NOTCH3: variants seen among roughly 807,000 people sequenced by gnomAD.
NOTCH3 encodes the protein notch receptor 3, also known as neurogenic locus notch homolog protein 3.
A neutral mutation model predicts 213.3 loss-of-function variants in NOTCH3; 86 were observed. The ratio of observed to expected loss-of-function variants is 0.40; its 90% confidence interval spans 0.34 to 0.48. The LOEUF (loss-of-function observed/expected upper bound fraction) is 0.48. Among genes scored for constraint, NOTCH3 ranks in the 20% least tolerant of loss-of-function variants. NOTCH3 has a pLI of 0.57. For missense variants in NOTCH3, 2,783 were observed against 3,272.6 expected, an observed-to-expected ratio of 0.85 and a Z score of 3.65; for synonymous variants, 1,354 against 1,355.9, an observed-to-expected ratio of 1.00 and a Z score of 0.03.
rs765593288 is a variant in NOTCH3 at position 15,167,213 on chromosome 19, G to A, written c.5362+36C>T. On this transcript the variant is annotated intron_variant, in intron 29 of 32. Transcript: ENST00000263388. ...ATAACCTCTCACAGGTAGGATGGGT[G>A]AGGGGCATCCCTTTGGGAGGGGCAC... The A allele has an allele frequency of 2.5e-6, 4 of 1,602,780 alleles. No individual in the cohort carries two copies. In the South Asian group the frequency reaches 4.4e-5, roughly 18 times the overall value.
intron 19 of NOTCH3, 129 bp from the exon 20 acceptor site, chr19:15,180,385 G>T: frequency 2.9e-6 from 3 of 1,051,798 alleles, no homozygotes; most frequent in Non-Finnish European, 4.3e-6. Flanking sequence ...CCATCAGGTT[G>T]TCACACATCC....
In NOTCH3 at chr19:15,179,396, C is replaced by T. The variant is rs144559574; in HGVS notation, c.3428G>A (p.Arg1143His). The change falls in exon 21 of 33, where the codon CGC becomes CAC. Residue 1143 changes from arginine (R) to histidine (H), a missense_variant. Coordinates refer to ENST00000263388, the MANE Select transcript of NOTCH3 (RefSeq NM_000435.3). ...HGGSCIDLVARYLCSCPPGTL... is the reference protein window; with the variant it reads ...HGGSCIDLVAHYLCSCPPGTL... ...TCCTGGGGGACAGGAGCAGAGATAGCGGGCCACGAGGTCAATGCATGAACC... is the reference window on the plus strand; with the variant it reads ...TCCTGGGGGACAGGAGCAGAGATAGTGGGCCACGAGGTCAATGCATGAACC... 105 of 1,613,950 alleles carry T rather than the reference C, an allele frequency of 6.5e-5. No individual in the cohort carries two copies. The African/African-American group carries it at 6.9e-4, about 11-fold the overall frequency.
At position 15,185,187 on chromosome 19, in the gene NOTCH3, A is replaced by T; in HGVS notation, c.2296+70T>A. On this transcript the variant is annotated intron_variant, in intron 14 of 32. Coordinates refer to ENST00000263388, the MANE Select transcript of NOTCH3 (RefSeq NM_000435.3). This position sits in a 1 kb window ranked among gnomAD's most constrained non-coding sequence, Gnocchi z 4.2. ...AGAAGCTAACATAGCGGGAGGAGAG[A>T]GTAGAGGAGAAGAGAGATGAGAAGG... 1 of 1,563,564 alleles carries T rather than the reference A, an allele frequency of 6.4e-7. No homozygotes were observed. Among genetic ancestry groups the T allele is most frequent in the Non-Finnish European group, 8.8e-7 (1 of 1,136,200 alleles).
chr19:15,194,851 G>C (rs189637602), intron 2 of NOTCH3, among the ~76,000 whole-genome samples: 1 of 151,706 alleles, frequency 6.6e-6, no homozygotes, highest in Non-Finnish European at 1.5e-5. Context: ...CAGCTACTCC[G>C]GAGGCTGAGG....
At position 15,184,991 on chromosome 19, in the gene NOTCH3, G is replaced by A. The variant is rs2145428800; in HGVS notation, c.2325C>T (p.Cys775=). The change falls in exon 15 of 33, where the codon TGC becomes TGT. Residue 775 remains cysteine, a synonymous_variant. Coordinates refer to ENST00000263388, the MANE Select transcript of NOTCH3 (RefSeq NM_000435.3). The stretch of plus-strand genomic sequence containing the variant: ...CCCCATGCTCACAGGGGTTCGGGGT[G>A]CAGGGGGAGAGGAGTTCACACTGAC... ...QGRQCELLSP[C]TPNPCEHGGR... The A allele has an allele frequency of 6.5e-7, 1 of 1,536,226 alleles. No homozygotes were observed. The highest frequency in any genetic ancestry group is 8.8e-7 in the Non-Finnish European group (1 of 1,136,998).
rs1006514202 is a variant in NOTCH3, at chr19:15,160,222, G to T, written c.*440C>A. On this transcript the variant is annotated 3_prime_UTR_variant, in exon 33 of 33. Transcript: ENST00000263388. ...CACGGGGGCACTGGGGGGTTCACAGGGGGAGGGAGCATCTCCATATATATA... is the reference window on the plus strand; with the variant it reads ...CACGGGGGCACTGGGGGGTTCACAGTGGGAGGGAGCATCTCCATATATATA... 1 of 241,672 alleles carries T rather than the reference G, an allele frequency of 4.1e-6. No homozygotes were observed. The highest frequency in any genetic ancestry group is 6.0e-5 in the East Asian group (1 of 16,798). 15.0% of individuals were successfully genotyped at this position (241,672 alleles called of 1,614,324 possible).
At chr19:15,196,248 G>A (rs2046969773) in intron 2 of NOTCH3, among the ~76,000 whole-genome samples, 1 of 152,102 alleles carries the variant, frequency 6.6e-6, no homozygotes, top group South Asian at 2.1e-4. Flanking sequence ...TCACCTGTCG[G>A]CAGTATTCCA....
intron 24 of NOTCH3, among the ~76,000 whole-genome samples, chr19:15,176,065 G>A (rs1055437383): frequency 7.9e-5 from 12 of 151,858 alleles, no homozygotes; most frequent in African/African-American, 2.9e-4. Context: ...GCCATATAGA[G>A]GAGCAAAAAG....
rs2145382111 is a variant in NOTCH3 at position 15,161,329 on chromosome 19, G to A, written c.6299C>T (p.Ser2100Leu). The A allele has an allele frequency of 6.6e-7, 1 of 1,525,068 alleles. No homozygotes were observed. 94.5% of individuals were successfully genotyped at this position (1,525,068 alleles called of 1,614,324 possible). ...GPLADSSVTL[S>L]PVDSLDSPRP... ...CGGGGAGTCCAGCGAGTCCACGGGCGACAGCGTGACCGAGCTGTCAGCCAG... is the reference window on the plus strand; with the variant it reads ...CGGGGAGTCCAGCGAGTCCACGGGCAACAGCGTGACCGAGCTGTCAGCCAG... The change falls in exon 33 of 33, where the codon TCG becomes TTG. Residue 2100 changes from serine to leucine, a missense_variant. Physicochemically the swap from Ser to Leu is moderately radical, Grantham distance 145. Coordinates refer to ENST00000263388, the MANE Select transcript of NOTCH3 (RefSeq NM_000435.3).
intron 2 of NOTCH3, 39 bp downstream of exon 2, chr19:15,197,461 C>T (rs769501014): frequency 3.5e-6 from 5 of 1,415,128 alleles, no homozygotes; most frequent in Non-Finnish European, 4.0e-6. Context: ...CCCGCCCCCA[C>T]ACACAGGGCC....
rs766337196 is a variant in NOTCH3 at position 15,177,540 on chromosome 19, C to T, written c.4388G>A (p.Arg1463His). Reference sequence around the variant, plus strand: ...ATGGGCTCACTTGCAAGTGCGCTCGCGGCCACCGGCGTGGCAGTCGAAGTT... The same window carrying T: ...ATGGGCTCACTTGCAAGTGCGCTCGTGGCCACCGGCGTGGCAGTCGAAGTT... Reference protein sequence around the residue: ...YDNFDCHAGGRERTCNPVYEK... With the variant: ...YDNFDCHAGGHERTCNPVYEK... Residue 1463 changes from arginine to histidine, a missense_variant, in exon 24 of 33, where the codon CGC becomes CAC. This residue lies in a region of NOTCH3 where 636 missense variants were observed against 801.8 expected (regional missense o/e 0.79). Coordinates refer to ENST00000263388, the MANE Select transcript of NOTCH3 (RefSeq NM_000435.3). The T allele has an allele frequency of 1.9e-6, 3 of 1,609,812 alleles. No homozygotes were observed. The Admixed American group carries it at 5.0e-5, about 27-fold the overall frequency.
rs2046629577 is a variant in NOTCH3, at chr19:15,160,347, T to C, written c.*315A>G. 2 of 329,304 alleles carry C rather than the reference T, an allele frequency of 6.1e-6. No homozygotes were observed. The highest frequency in any genetic ancestry group is 1.1e-5 in the Non-Finnish European group (2 of 181,454). 20.4% of individuals were successfully genotyped at this position (329,304 alleles called of 1,614,324 possible). A position where few individuals can be genotyped will look rare whatever the true frequency, so the allele number is the denominator to read the frequency against. ...AATAAAAATAATAATAATTCATTCATGTCAGAGTGTAAGGAAATGAGAGGC... is the reference window on the plus strand; with the variant it reads ...AATAAAAATAATAATAATTCATTCACGTCAGAGTGTAAGGAAATGAGAGGC... On this transcript the variant is annotated 3_prime_UTR_variant, in exon 33 of 33. Transcript: ENST00000263388.
At chr19:15,195,113 C>A (rs116045863) in intron 2 of NOTCH3, among the ~76,000 whole-genome samples, 344 of 152,232 alleles carry the variant, frequency 2.3e-3, no homozygotes, top group African/African-American at 7.9e-3. Flanking sequence ...AAGACACCAA[C>A]CCACAGCATC....
chr19:15,184,850 T>G, intron 15 of NOTCH3, 56 bp downstream of exon 15: 7 of 993,046 alleles, frequency 7.0e-6, no homozygotes, highest in Non-Finnish European at 1.1e-5. Flanking sequence ...TCATCCCTGA[T>G]AGGGTAGGGG....
chr19:15,190,412 C>T (rs894944777), intron 6 of NOTCH3, among the ~76,000 whole-genome samples: 10 of 152,184 alleles, frequency 6.6e-5, no homozygotes, highest in African/African-American at 2.2e-4. Flanking sequence ...TCTATATCCA[C>T]GTTCCCCTCC....
Position 15,165,358 on chromosome 19 carries a change from G to A in NOTCH3, c.5815+10C>T. 6.2e-7 allele frequency: 1 copy of A among 1,603,602 alleles called. No homozygotes were observed. Among genetic ancestry groups the A allele is most frequent in the South Asian group, 1.1e-5 (1 of 91,080 alleles). ...AACCCAGCTTAGACTTGATTCCTCT[G>A]CCAACCTACCAAGCTCATCCACAGC... On this transcript the variant is annotated intron_variant, in intron 31 of 32. Coordinates refer to ENST00000263388, the MANE Select transcript of NOTCH3 (RefSeq NM_000435.3). This position sits in a 1 kb window ranked among gnomAD's most constrained non-coding sequence, Gnocchi z 4.7.
At chr19:15,194,957 C>CAA (rs35648748) in intron 2 of NOTCH3, among the ~76,000 whole-genome samples, 2 of 119,424 alleles carry the variant, frequency 1.7e-5, no homozygotes, top group South Asian at 2.8e-4. Context: ...TACTCGATCT[C>CAA]AAAAAAAAAA....
chr19:15,175,204 G>C (rs2046777034), intron 24 of NOTCH3, among the ~76,000 whole-genome samples: 1 of 152,032 alleles, frequency 6.6e-6, no homozygotes, highest in African/African-American at 2.4e-5. Context: ...AGATACATGA[G>C]CCAAATATAC....
chr19:15,170,588 G>T (rs763979028), intron 26 of NOTCH3, 35 bp from the exon 27 acceptor site: 53 of 1,594,914 alleles, frequency 3.3e-5, no homozygotes, highest in Non-Finnish European at 4.1e-5. Context: ...GGCTTCAGCC[G>T]AGGGCGGGGC....
Sources: gnomAD v4.1 joint callset for allele counts (sites outside exome capture counted in the v4.1 genomes callset) on GRCh38, gnomAD v4.1.1 for gene constraint, gnomAD v4.1.1 regional missense constraint, Gnocchi (gnomAD v3.1) non-coding constraint, MANE v1.5 for transcripts, NCBI Gene and HGNC (gene_info 2026-07-23, HGNC 2026-07-21) for gene names.